The following RPS6KC1 variants were observed in gnomAD, a reference collection of about 807,000 sequenced individuals.
RPS6KC1 encodes ribosomal protein S6 kinase C1.
RPS6KC1 carries 54 observed loss-of-function variants against 103.8 expected under a neutral mutation model. That is an observed-to-expected ratio of 0.52 (90% CI 0.42 to 0.65). RPS6KC1 has a LOEUF of 0.65. RPS6KC1 is among the 30% of genes least tolerant of loss of function. The pLI, the probability that RPS6KC1 is intolerant of heterozygous loss-of-function variation, is 0.00. For missense variants in RPS6KC1, 1,151 were observed against 1,253.8 expected, an observed-to-expected ratio of 0.92 and a Z score of 1.24; for synonymous variants, 439 against 438.7, an observed-to-expected ratio of 1.00 and a Z score of -0.01.
At chr1:213,292,677 C>T in the RPS6KC1 span, among the ~76,000 whole-genome samples, 2 of 152,114 alleles carry the variant, frequency 1.3e-5, no homozygotes, top group Admixed American at 6.6e-5. Flanking sequence ...TTTCTCCTTA[C>T]CACTTATGAT....
chr1:213,220,253 A>G (rs1283027107), intron 8 of RPS6KC1, among the ~76,000 whole-genome samples: 1 of 152,194 alleles, frequency 6.6e-6, no homozygotes, highest in African/African-American at 2.4e-5. Context: ...GTTTATAACT[A>G]ATTCTCTGTG....
chr1:213,769,669 T>C, the RPS6KC1 span, among the ~76,000 whole-genome samples: 2,234 of 151,912 alleles, frequency 0.015, 60 homozygotes, highest in Admixed American at 0.067. Flanking sequence ...AGAAGTCCTT[T>C]TGGAAAAGGG....
At chr1:213,808,107 G>A in the RPS6KC1 span, among the ~76,000 whole-genome samples, 3 of 152,154 alleles carry the variant, frequency 2.0e-5, no homozygotes, top group South Asian at 2.1e-4. Flanking sequence ...CGTGAACTGC[G>A]AATGCTGCTG....
the RPS6KC1 span, among the ~76,000 whole-genome samples, chr1:213,558,459 A>G: frequency 6.6e-6 from 1 of 152,150 alleles, no homozygotes; most frequent in Non-Finnish European, 1.5e-5. Context: ...GGGCCAAAAC[A>G]TGAATGATCT....
chr1:213,211,802 G>C (rs114964562), intron 8 of RPS6KC1, among the ~76,000 whole-genome samples: 1 of 152,130 alleles, frequency 6.6e-6, no homozygotes, highest in Non-Finnish European at 1.5e-5. Flanking sequence ...AGAATGACCT[G>C]GATTTTGCAT....
the RPS6KC1 span, among the ~76,000 whole-genome samples, chr1:213,443,936 T>C: frequency 0.77 from 116,346 of 151,910 alleles, 44,866 homozygotes; most frequent in East Asian, 0.97. Context: ...TTTCCCTTTG[T>C]CTTTTGAGCT....
chr1:213,128,055 A>T (rs1349514250), intron 5 of RPS6KC1, among the ~76,000 whole-genome samples: 2 of 152,242 alleles, frequency 1.3e-5, no homozygotes, highest in Non-Finnish European at 2.9e-5. Context: ...GTGTAGTATC[A>T]AAGAACAATA....
the RPS6KC1 span, among the ~76,000 whole-genome samples, chr1:213,639,388 T>C: frequency 6.6e-6 from 1 of 152,006 alleles, no homozygotes; most frequent in South Asian, 2.1e-4. Flanking sequence ...TGAATGAGAG[T>C]ATTGAGAATG....
the RPS6KC1 span, among the ~76,000 whole-genome samples, chr1:213,688,963 C>T: frequency 7.4e-3 from 1,133 of 152,148 alleles, 21 homozygotes; most frequent in East Asian, 0.062. Context: ...CTTTTTTTCA[C>T]GTTGTGGGAG....
intron 6 of RPS6KC1, among the ~76,000 whole-genome samples, chr1:213,140,729 T>A (rs2086916838): frequency 6.6e-6 from 1 of 152,126 alleles, no homozygotes; most frequent in Admixed American, 6.6e-5. Flanking sequence ...GCTGCTGGAT[T>A]CCTTTTGCTA....
Position 213,242,310 on chromosome 1 carries a change from T to G in RPS6KC1, c.2821+13T>G, listed in dbSNP as rs748451580. 3 of 1,612,908 alleles carry G rather than the reference T, an allele frequency of 1.9e-6. No homozygotes were observed. The South Asian group carries it at 3.3e-5, about 18-fold the overall frequency. ...TTGAATGATAGAGGTCAGGAACTTT[T>G]GCAAATGCATTTCTTTTTATTCGCT... On this transcript the variant is annotated intron_variant, in intron 11 of 14. Transcript: ENST00000366960.
chr1:213,199,930 G>A (rs2093094930), intron 8 of RPS6KC1, among the ~76,000 whole-genome samples: 1 of 152,116 alleles, frequency 6.6e-6, no homozygotes, highest in African/African-American at 2.4e-5. Context: ...AGCTAACTAG[G>A]GAGGTGAAAG....
intron 6 of RPS6KC1, among the ~76,000 whole-genome samples, chr1:213,164,709 C>T (rs907108383): frequency 9.2e-5 from 14 of 152,102 alleles, no homozygotes; most frequent in African/African-American, 2.4e-4. Context: ...ACCACAGGTG[C>T]GCACCAACAC....
In RPS6KC1 at chr1:213,170,040, G is replaced by C. The variant is rs982343502; in HGVS notation, c.951+2067G>C. On this transcript the variant is annotated intron_variant, in intron 7 of 14. Coordinates refer to ENST00000366960, the MANE Select transcript of RPS6KC1 (RefSeq NM_012424.6). ...CAGGTGATCCACCCACTTTTGCCTC[G>C]CAAAGTGCTTGTGATTACAGGCATG... is the stretch of plus-strand genomic sequence containing the variant. Among the ~76,000 whole-genome samples, 3 of 152,150 alleles carry C rather than the reference G, an allele frequency of 2.0e-5. No homozygotes were observed. In the South Asian group the frequency reaches 6.2e-4, roughly 32 times the overall value.
intron 14 of RPS6KC1, among the ~76,000 whole-genome samples, chr1:213,264,002 C>T (rs1450670824): frequency 1.3e-5 from 2 of 151,078 alleles, no homozygotes; most frequent in Non-Finnish European, 2.9e-5. Context: ...TCTGAAAGAC[C>T]CAAGTTTAGG....
the RPS6KC1 span, among the ~76,000 whole-genome samples, chr1:213,603,336 A>G: frequency 0.59 from 89,728 of 152,030 alleles, 28,351 homozygotes; most frequent in Non-Finnish European, 0.69. Flanking sequence ...TCAGACACCC[A>G]AAGCTTCAGA....
the RPS6KC1 span, among the ~76,000 whole-genome samples, chr1:213,586,170 C>CT: frequency 6.6e-6 from 1 of 152,188 alleles, no homozygotes; most frequent in African/African-American, 2.4e-5. Flanking sequence ...CATTGTGAGG[C>CT]TTTATAAACC....
At chr1:213,773,667 G>C in the RPS6KC1 span, among the ~76,000 whole-genome samples, 1 of 151,980 alleles carries the variant, frequency 6.6e-6, no homozygotes, top group Non-Finnish European at 1.5e-5. Flanking sequence ...CGGGCTGCCA[G>C]GTGGGCAGTG....
At chr1:213,515,571 T>C in the RPS6KC1 span, among the ~76,000 whole-genome samples, 1 of 152,212 alleles carries the variant, frequency 6.6e-6, no homozygotes, top group East Asian at 1.9e-4. Flanking sequence ...AGGGCTCTGT[T>C]CTGTTCCATT....
Sources: gnomAD v4.1 joint callset for allele counts (sites outside exome capture counted in the v4.1 genomes callset) on GRCh38, gnomAD v4.1.1 for gene constraint, MANE v1.5 for transcripts, NCBI Gene and HGNC (gene_info 2026-07-23, HGNC 2026-07-21) for gene names.